Variants in XPR1 observed in about 807,000 individuals in gnomAD.
XPR1 encodes the protein solute carrier family 53 member 1.
Under a neutral mutation model 87.5 loss-of-function variants are expected in XPR1, and 28 were observed. The ratio of observed to expected loss-of-function variants is 0.32; its 90% CI spans 0.24 to 0.44. The LOEUF is 0.44. Among genes scored for constraint, XPR1 ranks in the 20% least tolerant of loss-of-function variants. The pLI is 1.00. For synonymous variants in XPR1, 300 were observed against 306.1 expected (o/e 0.98, Z 0.21); for missense variants, 559 against 862.3 (o/e 0.65, Z 4.41).
At chr1:180,695,532 C>G (rs1210153145) in intron 2 of XPR1, among the ~76,000 whole-genome samples, 1 of 151,996 alleles carries the variant, frequency 6.6e-6, no homozygotes, top group Non-Finnish European at 1.5e-5. Flanking sequence ...AAACATATCC[C>G]TTTGTTTTCT....
At chr1:180,847,006 A>G (rs1651708661) in intron 11 of XPR1, among the ~76,000 whole-genome samples, 1 of 152,182 alleles carries the variant, frequency 6.6e-6, no homozygotes, top group Non-Finnish European at 1.5e-5. Context: ...TTGCTTCTGA[A>G]TAATACCCCA....
At chr1:180,663,673 G>A (rs565469202) in intron 1 of XPR1, among the ~76,000 whole-genome samples, 2 of 152,234 alleles carry the variant, frequency 1.3e-5, no homozygotes, top group East Asian at 3.9e-4. Flanking sequence ...CAAGGACCTA[G>A]GGCTCTATAT....
At chr1:180,662,195 T>G (rs1655802351) in intron 1 of XPR1, among the ~76,000 whole-genome samples, 1 of 152,226 alleles carries the variant, frequency 6.6e-6, no homozygotes, top group Non-Finnish European at 1.5e-5. Context: ...TTCTTACTGC[T>G]CATTCTTGTC....
intron 11 of XPR1, among the ~76,000 whole-genome samples, chr1:180,838,119 A>G (rs1349510587): frequency 6.6e-6 from 1 of 152,190 alleles, no homozygotes; most frequent in Non-Finnish European, 1.5e-5. Flanking sequence ...TGATAAAGTA[A>G]ATGGTCTATT....
intron 14 of XPR1, among the ~76,000 whole-genome samples, chr1:180,882,863 TC>T (rs1406871292): frequency 6.6e-6 from 1 of 152,234 alleles, no homozygotes; most frequent in Non-Finnish European, 1.5e-5. Context: ...GGTCTTCTCT[TC>T]TGCTGGCTAA....
intron 11 of XPR1, among the ~76,000 whole-genome samples, chr1:180,850,270 T>G (rs1203361289): frequency 1.3e-5 from 2 of 152,254 alleles, no homozygotes; most frequent in African/African-American, 4.8e-5. Context: ...AGATCTGATA[T>G]GTTTTACTGG....
At chr1:180,704,245 G>GATAGATATAT (rs1553238722) in intron 2 of XPR1, among the ~76,000 whole-genome samples, 1 of 66,028 alleles carries the variant, frequency 1.5e-5, no homozygotes, top group African/African-American at 5.6e-5. Context: ...ATAGGTGCTG[G>GATAGATATAT]ATATATATAT....
chr1:180,854,912 A>T (rs1203521472), intron 11 of XPR1, among the ~76,000 whole-genome samples: 1 of 152,224 alleles, frequency 6.6e-6, no homozygotes, highest in Non-Finnish European at 1.5e-5. Context: ...GACACATTAT[A>T]TGTGTAGGCT....
chr1:180,688,928 A>G (rs1656881722), intron 2 of XPR1, among the ~76,000 whole-genome samples: 1 of 152,124 alleles, frequency 6.6e-6, no homozygotes, highest in Admixed American at 6.5e-5. Flanking sequence ...TATAAATTAC[A>G]TGCTGTATTT....
intron 12 of XPR1, among the ~76,000 whole-genome samples, chr1:180,866,586 A>T (rs1021653888): frequency 3.3e-5 from 5 of 152,194 alleles, no homozygotes; most frequent in Non-Finnish European, 5.9e-5. Flanking sequence ...ATGAAATTGC[A>T]GTTCTTCAGT....
At chr1:180,816,236 G>C (rs1260360871) in intron 7 of XPR1, among the ~76,000 whole-genome samples, 1 of 152,188 alleles carries the variant, frequency 6.6e-6, no homozygotes, top group African/African-American at 2.4e-5. Flanking sequence ...CGATCATCAG[G>C]CATTAGTTAG....
chr1:180,819,637 G>A (rs1212834171), intron 7 of XPR1, among the ~76,000 whole-genome samples: 1 of 152,140 alleles, frequency 6.6e-6, no homozygotes, highest in South Asian at 2.1e-4. Flanking sequence ...TTTCTTTTAT[G>A]TATGGCCACA....
At chr1:180,728,056 C>T (rs1302013707) in intron 2 of XPR1, among the ~76,000 whole-genome samples, 1 of 152,210 alleles carries the variant, frequency 6.6e-6, no homozygotes, top group Non-Finnish European at 1.5e-5. Flanking sequence ...AGGTTTCAGT[C>T]TCATTTTACC....
chr1:180,701,511 G>A (rs1657331008), intron 2 of XPR1, among the ~76,000 whole-genome samples: 2 of 139,800 alleles, frequency 1.4e-5, no homozygotes, highest in African/African-American at 6.0e-5. Context: ...TTATATGCTG[G>A]ATTACATTTA....
chr1:180,875,482 C>T (rs1265547014), intron 13 of XPR1, among the ~76,000 whole-genome samples: 5 of 142,330 alleles, frequency 3.5e-5, no homozygotes, highest in African/African-American at 1.3e-4. Context: ...GCACTCCAGC[C>T]TGGGTGACAG....
chr1:180,679,854 C>T (rs1274054985), intron 1 of XPR1, among the ~76,000 whole-genome samples: 1 of 151,918 alleles, frequency 6.6e-6, no homozygotes, highest in African/African-American at 2.4e-5. Context: ...TGAGTAAGAA[C>T]TCAAAATCAC....
At chr1:180,733,031 C>T (rs981121499) in intron 2 of XPR1, among the ~76,000 whole-genome samples, 7 of 152,182 alleles carry the variant, frequency 4.6e-5, no homozygotes, top group Non-Finnish European at 8.8e-5. Flanking sequence ...GGTGGCCCAC[C>T]GGCGTGCCGG....
At chr1:180,852,205 G>GT (rs891711902) in intron 11 of XPR1, among the ~76,000 whole-genome samples, 22 of 151,256 alleles carry the variant, frequency 1.5e-4, no homozygotes, top group Admixed American at 1.3e-4. Flanking sequence ...AAGTTCTGTG[G>GT]TTTTTTTTTA....
At chr1:180,846,756 T>C (rs1251895101) in intron 11 of XPR1, among the ~76,000 whole-genome samples, 1 of 152,050 alleles carries the variant, frequency 6.6e-6, no homozygotes, top group Non-Finnish European at 1.5e-5. Flanking sequence ...TAATACTTAA[T>C]TTCATTGATA....
Sources: gnomAD v4.1 joint callset for allele counts (sites outside exome capture counted in the v4.1 genomes callset) on GRCh38, gnomAD v4.1.1 for gene constraint, MANE v1.5 for transcripts, NCBI Gene and HGNC (gene_info 2026-07-23, HGNC 2026-07-21) for gene names.